SULT4A1: variants seen among roughly 807,000 people sequenced by gnomAD.
SULT4A1 encodes the protein sulfotransferase family 4A member 1.
In SULT4A1, 11 loss-of-function variants were observed where a neutral mutation model predicts 35.2. The ratio of observed to expected loss-of-function variants is 0.31; its 90% CI spans 0.20 to 0.52. The LOEUF (loss-of-function observed/expected upper bound fraction) is 0.52. Among genes scored for constraint, SULT4A1 ranks in the 20% least tolerant of loss-of-function variants. SULT4A1 has a pLI of 0.97. For synonymous variants in SULT4A1, 152 were observed against 151.8 expected, an observed-to-expected ratio of 1.00 and a Z score of -0.01; for missense variants, 271 against 383.7, an observed-to-expected ratio of 0.71 and a Z score of 2.45.
rs1196920878 is a variant in SULT4A1 at position 43,825,534 on chromosome 22, G to A, written c.*467C>T. On this transcript the variant is annotated 3_prime_UTR_variant, in exon 7 of 7. Transcript: ENST00000330884. Reference sequence around the variant, plus strand: ...AACCAAGTGAGAACAGAATGGCTGTGCCTTAGATAATAAAACTACAAAAAT... The same window carrying A: ...AACCAAGTGAGAACAGAATGGCTGTACCTTAGATAATAAAACTACAAAAAT... The A allele has an allele frequency of 2.6e-5, 4 of 156,148 alleles. No homozygotes were observed. The allele number at this position is 156,148 out of a possible 1,614,324, so 9.7% of individuals were successfully genotyped here.
intron 5 of SULT4A1, among the ~76,000 whole-genome samples, chr22:43,832,218 C>G (rs925289709): frequency 6.6e-6 from 1 of 152,200 alleles, no homozygotes; most frequent in Non-Finnish European, 1.5e-5. Context: ...CTAAATGTGG[C>G]TCTGTGTCAA....
At position 43,844,571 on chromosome 22, in the gene SULT4A1, G is replaced by T. The variant is rs773247287; in HGVS notation, c.170-2639C>A. ...CAAAACCCTTCCGTAGCTTCCCAAT[G>T]TTCACACACTCAGGCCCAGGCATTC... On this transcript the variant is annotated intron_variant, in intron 1 of 6. Transcript: ENST00000330884. Among the ~76,000 whole-genome samples the T allele has an allele frequency of 4.6e-5, 7 of 152,196 alleles. No individual in the cohort carries two copies. The East Asian group carries it at 1.3e-3, about 29-fold the overall frequency.
chr22:43,827,544 A>G, intron 6 of SULT4A1: 2 of 1,362,468 alleles, frequency 1.5e-6, no homozygotes, highest in Non-Finnish European at 9.8e-7. Context: ...AAGACAATTT[A>G]TGCTGTGACA....
chr22:43,826,872 T>C, intron 6 of SULT4A1: 2 of 985,412 alleles, frequency 2.0e-6, no homozygotes, highest in Non-Finnish European at 2.4e-6. Flanking sequence ...AGCCCAGGCT[T>C]AGTCAGAAAC....
intron 1 of SULT4A1, among the ~76,000 whole-genome samples, chr22:43,845,925 A>G (rs2063473473): frequency 6.6e-6 from 1 of 152,192 alleles, no homozygotes; most frequent in African/African-American, 2.4e-5. Context: ...GGGTCCATGG[A>G]AAAACTGTCT....
rs372662229 is a variant in SULT4A1 at position 43,826,165 on chromosome 22, C to T, written c.743-52G>A. 4 of 1,608,228 alleles carry T rather than the reference C, an allele frequency of 2.5e-6. No homozygotes were observed. In the African/African-American group the frequency reaches 5.4e-5, roughly 22 times the overall value. ...GGGCCACTTGCTGTCCGGCCAGCTACTGAACTAAAGGAAGCCTTGGAAATG... is the reference window on the plus strand; with the variant it reads ...GGGCCACTTGCTGTCCGGCCAGCTATTGAACTAAAGGAAGCCTTGGAAATG... On this transcript the variant is annotated intron_variant, in intron 6 of 6. Coordinates refer to ENST00000330884, the MANE Select transcript of SULT4A1 (RefSeq NM_014351.4).
chr22:43,847,874 A>C (rs1389246561), intron 1 of SULT4A1, among the ~76,000 whole-genome samples: 1 of 152,230 alleles, frequency 6.6e-6, no homozygotes, highest in Non-Finnish European at 1.5e-5. Context: ...GTGCTGCTGG[A>C]GATCACCCAA....
intron 4 of SULT4A1, among the ~76,000 whole-genome samples, chr22:43,838,056 T>C (rs2063391589): frequency 6.6e-6 from 1 of 152,142 alleles, no homozygotes. Flanking sequence ...CCACTTTCTG[T>C]CCCAGGACCT....
At chr22:43,853,748 G>C (rs1223146126) in intron 1 of SULT4A1, among the ~76,000 whole-genome samples, 1 of 152,218 alleles carries the variant, frequency 6.6e-6, no homozygotes, top group Admixed American at 6.5e-5. Flanking sequence ...TAGCTCTTCT[G>C]TTCCGGGTAT....
At chr22:43,842,720 T>A (rs1467666276) in intron 1 of SULT4A1, among the ~76,000 whole-genome samples, 1 of 152,036 alleles carries the variant, frequency 6.6e-6, no homozygotes, top group Non-Finnish European at 1.5e-5. Context: ...TGGGCAAAAC[T>A]CAACTATAGT....
chr22:43,835,854 C>T (rs186137467), intron 4 of SULT4A1, among the ~76,000 whole-genome samples: 30 of 152,292 alleles, frequency 2.0e-4, no homozygotes, highest in Middle Eastern at 3.4e-3. Flanking sequence ...TGTGGTCCTG[C>T]GCTGATGTGA....
chr22:43,850,169 A>T (rs1021564009), intron 1 of SULT4A1, among the ~76,000 whole-genome samples: 1 of 151,412 alleles, frequency 6.6e-6, no homozygotes, highest in African/African-American at 2.4e-5. Context: ...CTCTAATCCC[A>T]CTCCCCGGAA....
At chr22:43,835,205 T>C (rs1161612635) in intron 4 of SULT4A1, among the ~76,000 whole-genome samples, 1 of 152,120 alleles carries the variant, frequency 6.6e-6, no homozygotes, top group Non-Finnish European at 1.5e-5. Flanking sequence ...TGGTGTGGGG[T>C]GGGGCACACA....
rs761288727 is a variant in SULT4A1 at position 43,833,708 on chromosome 22, C to T, written c.535G>A (p.Val179Met). Residue 179 changes from valine (V) to methionine (M), a missense_variant, in exon 5 of 7, where the codon GTG (valine) becomes ATG (methionine). By Grantham distance (21) the Val-to-Met change is conservative. Around this residue, in one of 3 missense-constraint regions of SULT4A1, gnomAD observed 164 missense variants for 254.1 expected, o/e 0.65. Coordinates refer to ENST00000330884, the MANE Select transcript of SULT4A1 (RefSeq NM_014351.4). Reference protein sequence around the residue: ...KLGYGSWFEHVQEFWEHRMDS... With the variant: ...KLGYGSWFEHMQEFWEHRMDS... ...ATGCGGTGCTCCCAGAACTCCTGCA[C>T]GTGCTCAAACCAGGAGCCGTAGCCC... The T allele has an allele frequency of 1.4e-5, 22 of 1,578,210 alleles. No individual in the cohort carries two copies. Among genetic ancestry groups the T allele is most frequent in the Admixed American group, 1.8e-5 (1 of 54,600 alleles).
At chr22:43,845,589 AG>A (rs1349634768) in intron 1 of SULT4A1, among the ~76,000 whole-genome samples, 1 of 151,722 alleles carries the variant, frequency 6.6e-6, no homozygotes, top group Admixed American at 6.6e-5. Flanking sequence ...GCTTCCTACG[AG>A]GGCTCCTCCC....
intron 1 of SULT4A1, among the ~76,000 whole-genome samples, chr22:43,849,266 T>C (rs2063495602): frequency 6.6e-6 from 1 of 152,138 alleles, no homozygotes; most frequent in African/African-American, 2.4e-5. Flanking sequence ...GATTCACCAG[T>C]TGCACCTGTG....
chr22:43,851,406 C>T (rs1393939347), intron 1 of SULT4A1, among the ~76,000 whole-genome samples: 1 of 152,190 alleles, frequency 6.6e-6, no homozygotes, highest in Non-Finnish European at 1.5e-5. Flanking sequence ...TTTGTCTCTG[C>T]AGATCTCTAT....
intron 5 of SULT4A1, among the ~76,000 whole-genome samples, chr22:43,832,906 C>T (rs2063334912): frequency 1.3e-5 from 2 of 152,158 alleles, no homozygotes; most frequent in African/African-American, 4.8e-5. Flanking sequence ...CTCCCACCCA[C>T]TGCTACTCAA....
intron 6 of SULT4A1, chr22:43,828,669 C>G (rs1380744718): frequency 1.1e-5 from 2 of 182,420 alleles, no homozygotes; most frequent in Non-Finnish European, 2.3e-5. Flanking sequence ...GACTGAGAAA[C>G]CCATCAGCAT....
Sources: allele counts gnomAD v4.1 joint callset (sites outside exome capture counted in the v4.1 genomes callset), GRCh38; gene constraint gnomAD v4.1.1; regional missense constraint gnomAD v4.1.1; transcripts MANE v1.5; gene names NCBI Gene and HGNC (gene_info 2026-07-23, HGNC 2026-07-21).